Variants in UPK1A observed in about 807,000 individuals in gnomAD.
The protein encoded by UPK1A is uroplakin-1a.
In UPK1A, 31 loss-of-function variants were observed where a neutral mutation model predicts 32.3. That is an observed-to-expected ratio of 0.96 (90% CI 0.72 to 1.30). UPK1A has a LOEUF of 1.30. Among genes scored for constraint, UPK1A ranks in the 50% most tolerant of loss-of-function variants. The pLI is 0.00. For missense variants in UPK1A, 340 were observed against 357.4 expected (o/e 0.95, Z 0.39); for synonymous variants, 135 against 137.1 (o/e 0.98, Z 0.11).
rs1968042981 is a variant in UPK1A at position 35,668,846 on chromosome 19, T to G, written c.285+192T>G. Among the ~76,000 whole-genome samples the G allele has an allele frequency of 2.9e-5, 4 of 139,926 alleles. No homozygotes were observed. The South Asian group carries it at 9.9e-4, about 35-fold the overall frequency. 91.8% of individuals were successfully genotyped at this position (139,926 alleles called of 152,430 possible). A position where few individuals can be genotyped will look rare whatever the true frequency, so the allele number is the denominator to read the frequency against. On this transcript the variant is annotated intron_variant, in intron 3 of 7. Transcript: ENST00000617999. The stretch of plus-strand genomic sequence containing the variant: ...GCTTGAGTAGCAGAGCTGGGATTTT[T>G]TCTTTTTTTTTTTTTTGGTAAAGAT...
chr19:35,667,031 TC>T, intron 2 of UPK1A, 135 bp downstream of exon 2: 1 of 813,536 alleles, frequency 1.2e-6, no homozygotes, highest in Non-Finnish European at 2.0e-6. Context: ...TGGGTTGAAA[TC>T]CCAGCTCTGC....
chr19:35,668,277 T>C, intron 2 of UPK1A, 177 bp from the exon 3 acceptor site: 1 of 737,152 alleles, frequency 1.4e-6, no homozygotes, highest in Non-Finnish European at 2.2e-6. Context: ...GGCTGGGCTG[T>C]CTCTTCTCTC....
chr19:35,666,845 G>A (rs1414247297), exon 2 of UPK1A: 1 of 1,614,132 alleles, frequency 6.2e-7, no homozygotes, highest in South Asian at 1.1e-5. Context: ...AGGCCGAGAA[G>A]GGATCTCCAG....
At chr19:35,668,681 G>A in intron 3 of UPK1A, 27 bp downstream of exon 3, 3 of 1,592,984 alleles carry the variant, frequency 1.9e-6, no homozygotes, top group Non-Finnish European at 2.6e-6. Context: ...TGGGGGATGG[G>A]GACACTGAAA....
exon 7 of UPK1A, chr19:35,677,855 G>C (rs750208118): frequency 1.2e-6 from 2 of 1,612,092 alleles, no homozygotes; most frequent in Admixed American, 1.7e-5. Context: ...AGCTACACGT[G>C]GGGTATCTCG....
At chr19:35,670,514 G>C (rs1396753941) in intron 3 of UPK1A, among the ~76,000 whole-genome samples, 104 of 13,516 alleles carry the variant, frequency 7.7e-3, no homozygotes, top group African/African-American at 0.03. Context: ...CCCTCCCCTC[G>C]CCTCCTCTCC....
intron 3 of UPK1A, among the ~76,000 whole-genome samples, chr19:35,669,391 G>A (rs1020069415): frequency 2.6e-5 from 4 of 151,794 alleles, no homozygotes; most frequent in Non-Finnish European, 4.4e-5. Context: ...GTGGCCAGGC[G>A]CAGTGGCTCA....
chr19:35,671,603 A>G (rs1257003482), intron 3 of UPK1A, among the ~76,000 whole-genome samples: 1 of 146,992 alleles, frequency 6.8e-6, no homozygotes, highest in African/African-American at 2.5e-5. Flanking sequence ...GACTACAGGC[A>G]CCTGCCACCA....
intron 3 of UPK1A, 127 bp downstream of exon 3, chr19:35,668,781 G>A (rs1968042035): frequency 9.4e-7 from 1 of 1,069,464 alleles, no homozygotes; most frequent in South Asian, 1.6e-5. Flanking sequence ...GGGATCCCAG[G>A]CATCATCTCA....
chr19:35,674,110 C>A (rs191230042), intron 5 of UPK1A, among the ~76,000 whole-genome samples: 20 of 151,952 alleles, frequency 1.3e-4, no homozygotes, highest in Admixed American at 1.2e-3. Flanking sequence ...TGCTCTATTG[C>A]CCAGGCTGGT....
chr19:35,672,013 G>A (rs775560730), intron 3 of UPK1A, among the ~76,000 whole-genome samples: 1 of 152,190 alleles, frequency 6.6e-6, no homozygotes, highest in African/African-American at 2.4e-5. Flanking sequence ...TCAGGAGGTT[G>A]TGCAATGTCA....
At chr19:35,676,787 T>A (rs1968188829) in intron 6 of UPK1A, among the ~76,000 whole-genome samples, 2 of 151,458 alleles carry the variant, frequency 1.3e-5, no homozygotes, top group South Asian at 2.1e-4. Flanking sequence ...TAATCCCAGC[T>A]ACTCGGGAGG....
chr19:35,677,213 A>G (rs1968193804), intron 6 of UPK1A, among the ~76,000 whole-genome samples: 1 of 151,180 alleles, frequency 6.6e-6, no homozygotes, highest in Non-Finnish European at 1.5e-5. Flanking sequence ...AAGAGACTTA[A>G]AAAAGGCAAG....
At chr19:35,666,638 C>T (rs1968000931) in intron 1 of UPK1A, 100 bp downstream of exon 1, 7 of 622,900 alleles carry the variant, frequency 1.1e-5, no homozygotes, top group South Asian at 5.8e-5. Context: ...CACCGGAGCC[C>T]GGGTGTCCTC....
rs748544462 is a variant in UPK1A at position 35,673,562 on chromosome 19, G to C, written c.468+17G>C. On this transcript the variant is annotated intron_variant, in intron 5 of 7. Transcript: ENST00000617999. Reference sequence around the variant, plus strand: ...ATGATTGAGGTGGGCGGGGTGGACCGGGTGCTGGGAGGGCCCTGGGCTCCG... The same window carrying C: ...ATGATTGAGGTGGGCGGGGTGGACCCGGTGCTGGGAGGGCCCTGGGCTCCG... The C allele has an allele frequency of 2.1e-5, 34 of 1,611,082 alleles. No individual in the cohort carries two copies. The highest frequency in any genetic ancestry group is 3.3e-5 in the South Asian group (3 of 90,874).
chr19:35,671,453 A>G (rs1968098250), intron 3 of UPK1A, among the ~76,000 whole-genome samples: 1 of 126,730 alleles, frequency 7.9e-6, no homozygotes, highest in African/African-American at 3.3e-5. Context: ...TTTCTCCCCA[A>G]ATTTCTTTTT....
intron 3 of UPK1A, among the ~76,000 whole-genome samples, chr19:35,672,740 A>AT (rs1199577214): frequency 6.6e-6 from 1 of 151,690 alleles, no homozygotes; most frequent in East Asian, 1.9e-4. Flanking sequence ...TGCTTAACTA[A>AT]TTTTTTTATT....
chr19:35,677,608 T>C (rs1469778274), intron 6 of UPK1A, among the ~76,000 whole-genome samples: 4 of 151,642 alleles, frequency 2.6e-5, no homozygotes, highest in Non-Finnish European at 4.4e-5. Context: ...CGGCACCTAC[T>C]TGTGCAGGGC....
chr19:35,678,377 A>T (rs1289605524), exon 8 of UPK1A: 2 of 227,026 alleles, frequency 8.8e-6, no homozygotes, highest in East Asian at 1.8e-4. Flanking sequence ...GGAAGCCTCT[A>T]TTGCCATGAG....
Sources: allele counts gnomAD v4.1 joint callset (sites outside exome capture counted in the v4.1 genomes callset), GRCh38; gene constraint gnomAD v4.1.1; transcripts MANE v1.5; gene names NCBI Gene and HGNC (gene_info 2026-07-23, HGNC 2026-07-21).